Variants in DNAH2 observed in about 807,000 individuals in gnomAD.
The protein encoded by DNAH2 is dynein axonemal heavy chain 2.
In DNAH2, 323 loss-of-function variants were observed where a neutral mutation model predicts 523.5. The observed-to-expected ratio is 0.62, with a 90% CI of 0.56 to 0.68. DNAH2 has a LOEUF of 0.68. Ranked by LOEUF, DNAH2 falls within the 30% of genes least tolerant of loss-of-function variation. The pLI is 0.00. For synonymous variants in DNAH2, 2,093 were observed against 2,177.4 expected (o/e 0.96, Z 1.08); for missense variants, 4,907 against 5,701.5 (o/e 0.86, Z 4.49).
Position 7,799,084 on chromosome 17 carries a change from C to A in DNAH2, c.8560-19C>A. On this transcript the variant is annotated intron_variant, in intron 55 of 85. Transcript: ENST00000572933. ...CTATGGACACGCCAGCCCTCTGACC[C>A]TGGGTGGCTTCTGTCCAGATCCAGT... The A allele has an allele frequency of 6.2e-7, 1 of 1,613,368 alleles. No individual in the cohort carries two copies. Among genetic ancestry groups the A allele is most frequent in the Non-Finnish European group, 8.5e-7 (1 of 1,179,552 alleles).
In DNAH2 at chr17:7,833,441, T is replaced by A. The variant is rs747160003; in HGVS notation, c.13192T>A (p.Phe4398Ile). Reference protein sequence around the residue: ...NRAGSSDRASFVIGIDLRSGA... With the variant: ...NRAGSSDRASIVIGIDLRSGA... Reference sequence around the variant, plus strand: ...GGCAGGCAGCTCAGACCGAGCCTCCTTTGTCATCGGCATTGACCTGCGGTC... The same window carrying A: ...GGCAGGCAGCTCAGACCGAGCCTCCATTGTCATCGGCATTGACCTGCGGTC... Residue 4398 changes from phenylalanine to isoleucine, a missense_variant, in exon 86 of 86, where the codon TTT becomes ATT. Physicochemically the swap from Phe to Ile is conservative, Grantham distance 21. Coordinates refer to ENST00000572933, the MANE Select transcript of DNAH2 (RefSeq NM_020877.5). 2.5e-6 allele frequency: 4 copies of A among 1,614,028 alleles called. No individual in the cohort carries two copies. Among genetic ancestry groups the A allele is most frequent in the Non-Finnish European group, 3.4e-6 (4 of 1,180,038 alleles).
intron 4 of DNAH2, among the ~76,000 whole-genome samples, chr17:7,732,407 C>T (rs1436459974): frequency 1.4e-5 from 2 of 144,088 alleles, no homozygotes; most frequent in Non-Finnish European, 3.0e-5. Flanking sequence ...TGCACTCCAG[C>T]CTGAGTGACA....
In DNAH2 at chr17:7,796,564, C is replaced by A; in HGVS notation, c.7775C>A (p.Thr2592Asn). ...ATTGGGAACGTGGTGACAGAGGCCA[C>A]CCTGGACATGTACAACACCGTGGTA... is the stretch of plus-strand genomic sequence containing the variant. ...KPIGNVVTEATLDMYNTVVQR... is the reference protein window; with the variant it reads ...KPIGNVVTEANLDMYNTVVQR... The change falls in exon 50 of 86, where the codon ACC becomes AAC. Residue 2592 changes from threonine (T) to asparagine (N), a missense_variant. Thr to Asn is a moderately conservative substitution (Grantham distance 65). Transcript: ENST00000572933. 1.2e-6 allele frequency: 2 copies of A among 1,613,596 alleles called. No individual in the cohort carries two copies. The highest frequency in any genetic ancestry group is 1.7e-6 in the Non-Finnish European group (2 of 1,179,956).
chr17:7,736,108 C>G (rs1009992334), intron 7 of DNAH2, among the ~76,000 whole-genome samples: 1 of 152,036 alleles, frequency 6.6e-6, no homozygotes, highest in African/African-American at 2.4e-5. Context: ...AGGCTGGTCT[C>G]AAACTCCTGG....
At chr17:7,790,172 C>A (rs975142473) in intron 44 of DNAH2, among the ~76,000 whole-genome samples, 1 of 152,212 alleles carries the variant, frequency 6.6e-6, no homozygotes, top group African/African-American at 2.4e-5. Context: ...GCCCTCTGGG[C>A]AGGGGGTTGA....
Position 7,771,355 on chromosome 17 carries a change from G to T in DNAH2, c.4388G>T (p.Arg1463Leu). 1.2e-6 allele frequency: 2 copies of T among 1,614,078 alleles called. No homozygotes were observed. Among genetic ancestry groups the T allele is most frequent in the Non-Finnish European group, 1.7e-6 (2 of 1,180,018 alleles). The change falls in exon 28 of 86, where the codon CGC becomes CTC. Residue 1463 changes from arginine to leucine, a missense_variant. This residue lies in a region of DNAH2 where 2,806 missense variants were observed against 3,190.8 expected (regional missense o/e 0.88). Transcript: ENST00000572933. The part of the protein sequence containing the change: ...LENIFLGEDI[R>L]KQLPNESTLF... ...AATATCTTCCTAGGAGAAGACATCC[G>T]CAAGCAGCTGCCCAATGAATCGACC... is the stretch of plus-strand genomic sequence containing the variant.
chr17:7,732,607 G>A (rs557098178), intron 4 of DNAH2, among the ~76,000 whole-genome samples: 7 of 152,140 alleles, frequency 4.6e-5, no homozygotes, highest in Middle Eastern at 3.4e-3. Flanking sequence ...GCTTTTGTAC[G>A]TAAACCACAA....
rs769842836 is a variant in DNAH2, at chr17:7,792,886, G to A, written c.7344+31G>A. ...TCGGGGATCCAGGGGCCAGGCTGCCGGCTCCCTTGGGATCCAAGTGCCTGC... is the reference window on the plus strand; with the variant it reads ...TCGGGGATCCAGGGGCCAGGCTGCCAGCTCCCTTGGGATCCAAGTGCCTGC... On this transcript the variant is annotated intron_variant, in intron 47 of 85. Coordinates refer to ENST00000572933, the MANE Select transcript of DNAH2 (RefSeq NM_020877.5). The A allele has an allele frequency of 1.9e-5, 31 of 1,605,430 alleles. No individual in the cohort carries two copies. The East Asian group carries it at 2.9e-4, about 15-fold the overall frequency.
rs1039549282 is a variant in DNAH2 at position 7,734,784 on chromosome 17, G to A, written c.978+76G>A. ...TGGGATGATACAGGGAGCTAAGTAA[G>A]GAGAGGGAGCCAAGGCAATCTTCGA... On this transcript the variant is annotated intron_variant, in intron 7 of 85. Transcript: ENST00000572933. 4.0e-6 allele frequency: 6 copies of A among 1,490,190 alleles called. No homozygotes were observed. The African/African-American group carries it at 6.9e-5, about 17-fold the overall frequency. 92.3% of individuals were successfully genotyped at this position (1,490,190 alleles called of 1,614,324 possible).
Position 7,792,661 on chromosome 17 carries a change from C to G in DNAH2, c.7150C>G (p.Pro2384Ala). Reference protein sequence around the residue: ...PKSWRYPPNAPFYKIMVPTVD... With the variant: ...PKSWRYPPNAAFYKIMVPTVD... ...CCGGCCCCTGCTCTTCCCTAGCGCC[C>G]CCTTCTATAAGATCATGGTGCCCAC... Residue 2384 changes from proline (P) to alanine (A), a missense_variant, in exon 47 of 86, where the codon CCC becomes GCC. Coordinates refer to ENST00000572933, the MANE Select transcript of DNAH2 (RefSeq NM_020877.5). The G allele has an allele frequency of 6.2e-7, 1 of 1,613,840 alleles. No individual in the cohort carries two copies. Among genetic ancestry groups the G allele is most frequent in the Non-Finnish European group, 8.5e-7 (1 of 1,179,902 alleles).
intron 12 of DNAH2, among the ~76,000 whole-genome samples, chr17:7,745,793 C>A (rs201175113): frequency 0.015 from 1,794 of 122,274 alleles, no homozygotes; most frequent in Non-Finnish European, 0.019. Flanking sequence ...CTGTCTCAAA[C>A]AAAAAAAAAA....
At chr17:7,781,844 C>T (rs1165024761) in intron 39 of DNAH2, among the ~76,000 whole-genome samples, 1 of 152,158 alleles carries the variant, frequency 6.6e-6, no homozygotes, top group Non-Finnish European at 1.5e-5. Context: ...GGAGGGGCTG[C>T]TAGAAGCCAT....
At chr17:7,726,982 G>T (rs2074832858) in intron 3 of DNAH2, 140 bp from the exon 4 acceptor site, 1 of 811,998 alleles carries the variant, frequency 1.2e-6, no homozygotes, top group Non-Finnish European at 1.8e-6. Flanking sequence ...AAGCTGGAAA[G>T]CTATCTTTCA....
Position 7,780,506 on chromosome 17 carries a change from C to A in DNAH2, c.5851-124C>A. Reference sequence around the variant, plus strand: ...ATTCACACAATTTCCTCAGGAGAATCCATAGAGTGCCTCCTAGCTGCTTCA... The same window carrying A: ...ATTCACACAATTTCCTCAGGAGAATACATAGAGTGCCTCCTAGCTGCTTCA... On this transcript the variant is annotated intron_variant, in intron 37 of 85. Transcript: ENST00000572933. The surrounding 1 kb of genome is among the most constrained non-coding windows in gnomAD (Gnocchi z 4.4). 6.9e-7 allele frequency: 1 copy of A among 1,445,568 alleles called. No homozygotes were observed. Among genetic ancestry groups the A allele is most frequent in the Non-Finnish European group, 9.5e-7 (1 of 1,057,816 alleles). The allele number at this position is 1,445,568 out of a possible 1,614,324, so 89.5% of individuals were successfully genotyped here. A position where few individuals can be genotyped will look rare whatever the true frequency, so the allele number is the denominator to read the frequency against.
At position 7,797,498 on chromosome 17, in the gene DNAH2, A is replaced by G. The variant is rs1485299705; in HGVS notation, c.8048A>G (p.His2683Arg). Residue 2683 changes from histidine to arginine, a missense_variant, in exon 52 of 86, where the codon CAT becomes CGT. Transcript: ENST00000572933. ...LGSFFDLTFH[H>R]LCPSKRPPIF... ...TCCTTCTTTGACCTCACATTTCATC[A>G]TCTCTGTCCCAGCAAGCGTCCTCCT... 2.5e-6 allele frequency: 4 copies of G among 1,614,006 alleles called. No individual in the cohort carries two copies. The highest frequency in any genetic ancestry group is 3.3e-5 in the Admixed American group (2 of 60,002).
rs1361912266 is a variant in DNAH2, at chr17:7,759,907, GTT to G, written c.2755_2756del (p.Leu919ThrfsTer3). Reference protein sequence around the residue: ...HLPDILTKRKLHREPIQTVVE... With the variant: ...HLPDILTKRKXHREPIQTVVE... ...TCCCTGACATTCTCACCAAGCGCAA[GTT>G]ACATCGTGAACCCATCCAAACAGTT... is the stretch of plus-strand genomic sequence containing the variant. On this transcript the variant is annotated frameshift_variant, in exon 17 of 86. Transcript: ENST00000572933. LOFTEE classifies it high-confidence loss of function. 1 of 1,614,204 alleles carries G rather than the reference GTT, an allele frequency of 6.2e-7. No homozygotes were observed. The highest frequency in any genetic ancestry group is 1.6e-4 in the Middle Eastern group (1 of 6,062).
chr17:7,725,787 C>G (rs1244140651), intron 3 of DNAH2, among the ~76,000 whole-genome samples: 2 of 149,260 alleles, frequency 1.3e-5, no homozygotes, highest in East Asian at 3.9e-4. Flanking sequence ...AATGACATAT[C>G]TATGCAGGTC....
rs143370525 is a variant in DNAH2, at chr17:7,802,938, G to T, written c.8972+921G>T. Among the ~76,000 whole-genome samples, 836 of 151,942 alleles carry T rather than the reference G, an allele frequency of 5.5e-3. 6 individuals are homozygous for T. Among genetic ancestry groups the T allele is most frequent in the Middle Eastern group, 0.024 (7 of 294 alleles). On this transcript the variant is annotated intron_variant, in intron 58 of 85. Transcript: ENST00000572933. Reference sequence around the variant, plus strand: ...TCCTCCGGCCTTGGCCTCCCAAAGTGCTGGGATTACAGGCATGAGCCACCG... The same window carrying T: ...TCCTCCGGCCTTGGCCTCCCAAAGTTCTGGGATTACAGGCATGAGCCACCG...
chr17:7,813,143 AT>A (rs1244207540), intron 63 of DNAH2, among the ~76,000 whole-genome samples: 7 of 152,182 alleles, frequency 4.6e-5, no homozygotes, highest in African/African-American at 1.2e-4. Context: ...GGCCTTTTGA[AT>A]TTTTGATAGC....
Sources: allele counts gnomAD v4.1 joint callset (sites outside exome capture counted in the v4.1 genomes callset), GRCh38; gene constraint gnomAD v4.1.1; regional missense constraint gnomAD v4.1.1; non-coding constraint Gnocchi (gnomAD v3.1); transcripts MANE v1.5; gene names NCBI Gene and HGNC (gene_info 2026-07-23, HGNC 2026-07-21).